The following PDE3A variants were observed in gnomAD, a reference collection of about 807,000 sequenced individuals.
PDE3A encodes cGMP-inhibited 3',5'-cyclic phosphodiesterase 3A.
Under a neutral mutation model 98.3 loss-of-function variants are expected in PDE3A, and 43 were observed. That is an observed-to-expected ratio of 0.44 (90% CI 0.34 to 0.56). The LOEUF is 0.56. PDE3A is among the 20% of genes least tolerant of loss of function. PDE3A has a pLI of 0.01. For synonymous variants in PDE3A, 663 were observed against 567.9 expected, an observed-to-expected ratio of 1.17 and a Z score of -2.38; for missense variants, 1,427 against 1,440.7, an observed-to-expected ratio of 0.99 and a Z score of 0.15.
chr12:20,551,153 G>A (rs1362997678), intron 1 of PDE3A, among the ~76,000 whole-genome samples: 5 of 151,622 alleles, frequency 3.3e-5, no homozygotes, highest in Non-Finnish European at 5.9e-5. Flanking sequence ...TGTTTATATT[G>A]AATTTCTTTT....
At chr12:20,590,418 T>A (rs915899758) in intron 2 of PDE3A, among the ~76,000 whole-genome samples, 2 of 148,680 alleles carry the variant, frequency 1.3e-5, no homozygotes, top group Non-Finnish European at 3.0e-5. Flanking sequence ...TGGCATGTGG[T>A]CAGTTTCAAG....
intron 1 of PDE3A, among the ~76,000 whole-genome samples, chr12:20,474,005 A>C (rs1333631413): frequency 6.6e-6 from 1 of 152,142 alleles, no homozygotes; most frequent in Admixed American, 6.5e-5. Flanking sequence ...CCTGGGAGTT[A>C]AATTGTTAGG....
chr12:20,613,261 A>T (rs1943913862), intron 2 of PDE3A, among the ~76,000 whole-genome samples, 182 bp from the exon 3 acceptor site: 1 of 152,194 alleles, frequency 6.6e-6, no homozygotes, highest in African/African-American at 2.4e-5. Context: ...CCACAAATGC[A>T]AAAAAGGGTG....
chr12:20,386,152 T>TAAATATATAA lies in PDE3A; in HGVS notation c.960+15917_960+15918insAAAATATATA, dbSNP rs1943787838. Among the ~76,000 whole-genome samples, 2 of 83,694 alleles carry TAAATATATAA rather than the reference T, an allele frequency of 2.4e-5. 1 individual carries two copies. Among genetic ancestry groups the TAAATATATAA allele is most frequent in the African/African-American group, 1.0e-4 (2 of 19,154 alleles). The allele number at this position is 83,694 out of a possible 152,430, so 54.9% of individuals were successfully genotyped here. Reference sequence around the variant, plus strand: ...ATATAAATATATATAAATATATATATAAATATATATAAATATATAAAAATA... The same window carrying TAAATATATAA: ...ATATAAATATATATAAATATATATATAAATATATAAAAATATATATAAATATATAAAAATA... On this transcript the variant is annotated intron_variant, in intron 1 of 15. Coordinates refer to ENST00000359062, the MANE Select transcript of PDE3A (RefSeq NM_000921.5).
intron 1 of PDE3A, among the ~76,000 whole-genome samples, chr12:20,547,496 T>G (rs866821944): frequency 1.3e-5 from 2 of 152,322 alleles, no homozygotes; most frequent in African/African-American, 4.8e-5. Context: ...CTTTACATCC[T>G]TATATGTATA....
chr12:20,422,321 G>A lies in PDE3A; in HGVS notation c.960+52077G>A, dbSNP rs568143365. On this transcript the variant is annotated intron_variant, in intron 1 of 15. Transcript: ENST00000359062. ...ATCGCACCACTGCACTCCAGCCTGGGCAACAGAGCGAGACTCTGTCTCAAA... is the reference window on the plus strand; with the variant it reads ...ATCGCACCACTGCACTCCAGCCTGGACAACAGAGCGAGACTCTGTCTCAAA... Among the ~76,000 whole-genome samples, 11 of 151,938 alleles carry A rather than the reference G, an allele frequency of 7.2e-5. No individual in the cohort carries two copies. The East Asian group carries it at 2.1e-3, about 29-fold the overall frequency.
chr12:20,549,261 G>T (rs1001402857), intron 1 of PDE3A, among the ~76,000 whole-genome samples: 1 of 150,026 alleles, frequency 6.7e-6, no homozygotes, highest in Non-Finnish European at 1.5e-5. Context: ...GCTGTCATGC[G>T]CTAATATGAA....
At chr12:20,573,149 A>G (rs1415040069) in intron 2 of PDE3A, among the ~76,000 whole-genome samples, 1 of 152,130 alleles carries the variant, frequency 6.6e-6, no homozygotes, top group Admixed American at 6.6e-5. Context: ...GATTTAAAAT[A>G]AAATACTTAA....
Position 20,552,909 on chromosome 12 carries a change from T to G in PDE3A, c.961-3751T>G. The G allele has an allele frequency of 6.3e-7, 1 of 1,599,496 alleles. No individual in the cohort carries two copies. The highest frequency in any genetic ancestry group is 1.1e-5 in the South Asian group (1 of 89,312). On this transcript the variant is annotated intron_variant, in intron 1 of 15. Transcript: ENST00000359062. This position sits in a 1 kb window ranked among gnomAD's most constrained non-coding sequence, Gnocchi z 5.1. ...TTCGGGCACAGGTGTTCAGCTGCCC[T>G]GCCTGCCGCTACGACCTGGGCCGCA... is the stretch of plus-strand genomic sequence containing the variant.
chr12:20,433,265 A>G (rs1451819668), intron 1 of PDE3A, among the ~76,000 whole-genome samples: 1 of 152,190 alleles, frequency 6.6e-6, no homozygotes, highest in Non-Finnish European at 1.5e-5. Context: ...AAAACACCCC[A>G]GGAAGGGAGA....
At chr12:20,388,770 A>G (rs979247911) in intron 1 of PDE3A, among the ~76,000 whole-genome samples, 35 of 152,058 alleles carry the variant, frequency 2.3e-4, no homozygotes, top group African/African-American at 8.4e-4. Context: ...TTCATTTCCC[A>G]GGATTTTGTT....
chr12:20,369,777 G>A lies in PDE3A; in HGVS notation c.493G>A (p.Ala165Thr), dbSNP rs1943427853. The change falls in exon 1 of 16, where the codon GCC becomes ACC. Residue 165 changes from alanine (A) to threonine (T), a missense_variant. Around this residue, in one of 3 missense-constraint regions of PDE3A, gnomAD observed 1,012 missense variants for 886.5 expected, o/e 1.14. Coordinates refer to ENST00000359062, the MANE Select transcript of PDE3A (RefSeq NM_000921.5). The part of the protein sequence containing the change: ...VRLPLAVALL[A>T]ACCGGEALVQ... ...CCTGCCTCTGGCTGTCGCGCTGCTG[G>A]CCGCCTGCTGCGGGGGGGAAGCGCT... 1 of 1,612,336 alleles carries A rather than the reference G, an allele frequency of 6.2e-7. No homozygotes were observed. The highest frequency in any genetic ancestry group is 1.3e-5 in the African/African-American group (1 of 74,924).
chr12:20,568,478 G>A (rs368543056), intron 2 of PDE3A, among the ~76,000 whole-genome samples: 103 of 151,966 alleles, frequency 6.8e-4, no homozygotes, highest in African/African-American at 2.3e-3. Context: ...TACAGCATTG[G>A]AAGTAATATT....
At position 20,666,981 on chromosome 12, in the gene PDE3A, G is replaced by T. The variant is rs143036734; in HGVS notation, c.3184+12776G>T. ...GTAATAGCCATTCTAACTGGGGTAA[G>T]ATGATATCTCATTGTGGCTTTGATT... On this transcript the variant is annotated intron_variant, in intron 15 of 15. Transcript: ENST00000359062. Among the ~76,000 whole-genome samples, 374 of 152,276 alleles carry T rather than the reference G, an allele frequency of 2.5e-3. 2 individuals carry two copies. The highest frequency in any genetic ancestry group is 8.5e-3 in the African/African-American group (355 of 41,556).
At chr12:20,596,935 T>A (rs1943480986) in intron 2 of PDE3A, among the ~76,000 whole-genome samples, 1 of 152,148 alleles carries the variant, frequency 6.6e-6, no homozygotes, top group Admixed American at 6.5e-5. Context: ...TGAAGGTAAA[T>A]GACTGTACAT....
At chr12:20,525,018 G>T (rs559830824) in intron 1 of PDE3A, among the ~76,000 whole-genome samples, 1 of 152,156 alleles carries the variant, frequency 6.6e-6, no homozygotes, top group Non-Finnish European at 1.5e-5. Context: ...TGTAATCTCA[G>T]CTACTTGGGA....
chr12:20,516,210 A>G (rs1419879566), intron 1 of PDE3A, among the ~76,000 whole-genome samples: 2 of 152,150 alleles, frequency 1.3e-5, no homozygotes, highest in Admixed American at 1.3e-4. Context: ...TCATTCAAAA[A>G]GGGATGGATT....
At chr12:20,603,296 A>G (rs952795621) in intron 2 of PDE3A, among the ~76,000 whole-genome samples, 3 of 152,256 alleles carry the variant, frequency 2.0e-5, no homozygotes, top group Middle Eastern at 6.8e-3. Context: ...GGATGACTAA[A>G]TAGAAAGAAA....
At chr12:20,402,927 A>G (rs1944159968) in intron 1 of PDE3A, among the ~76,000 whole-genome samples, 1 of 152,162 alleles carries the variant, frequency 6.6e-6, no homozygotes, top group South Asian at 2.1e-4. Context: ...TCAAAATAGG[A>G]AACAGAAAAG....
Sources: gnomAD v4.1 joint callset for allele counts (sites outside exome capture counted in the v4.1 genomes callset) on GRCh38, gnomAD v4.1.1 for gene constraint, gnomAD v4.1.1 regional missense constraint, Gnocchi (gnomAD v3.1) non-coding constraint, MANE v1.5 for transcripts, NCBI Gene and HGNC (gene_info 2026-07-23, HGNC 2026-07-21) for gene names.